The following DMBT1 variants were observed in gnomAD, a reference collection of about 807,000 sequenced individuals.
DMBT1 encodes deleted in malignant brain tumors 1.
A neutral mutation model predicts 252.9 loss-of-function variants in DMBT1; 198 were observed. The observed-to-expected ratio is 0.78, with a 90% confidence interval of 0.70 to 0.88. The LOEUF (loss-of-function observed/expected upper bound fraction) is 0.88. Ranked by LOEUF, DMBT1 falls within the 40% of genes least tolerant of loss-of-function variation. The pLI is 0.00. For synonymous variants in DMBT1, 990 were observed against 942.7 expected, an observed-to-expected ratio of 1.05 and a Z score of -0.92; for missense variants, 2,432 against 2,404.7, an observed-to-expected ratio of 1.01 and a Z score of -0.24.
At chr10:122,567,277 G>A (rs3019524) in intron 2 of DMBT1, among the ~76,000 whole-genome samples, 101,704 of 151,872 alleles carry the variant, frequency 0.67, 34,410 homozygotes, top group East Asian at 0.77. Flanking sequence ...GCATTGCCCT[G>A]CTGCACCTCT....
chr10:122,598,799 G>C lies in DMBT1; in HGVS notation c.2982G>C (p.Arg994Ser). Residue 994 changes from arginine (R) to serine (S), a missense_variant, in exon 26 of 56, where the codon AGG becomes AGC. Around this residue, in one of 3 missense-constraint regions of DMBT1, gnomAD observed 1,264 missense variants for 1,082.2 expected, o/e 1.17. Coordinates refer to ENST00000338354, the MANE Select transcript of DMBT1 (RefSeq NM_001377530.1). Reference protein sequence around the residue: ...TVGSESSLALRLVNGGDRCQG... With the variant: ...TVGSESSLALSLVNGGDRCQG... ...GATCTGAATCCAGTTTGGCCCTGAG[G>C]CTGGTGAATGGAGGTGACAGGTGTC... The C allele has an allele frequency of 1.2e-6, 2 of 1,613,414 alleles. No individual in the cohort carries two copies. Among genetic ancestry groups the C allele is most frequent in the Non-Finnish European group, 1.7e-6 (2 of 1,179,734 alleles).
In DMBT1 at chr10:122,585,327, C is replaced by T; in HGVS notation, c.1459+18C>T. The T allele has an allele frequency of 6.3e-7, 1 of 1,584,258 alleles. No homozygotes were observed. The highest frequency in any genetic ancestry group is 2.3e-5 in the East Asian group (1 of 42,628). On this transcript the variant is annotated intron_variant, in intron 15 of 55. Transcript: ENST00000338354. The stretch of plus-strand genomic sequence containing the variant: ...GACAGTAGGTAAATAATCCTCTCGC[C>T]CCTCCCTAGGGCTCACTCTCTACCT...
chr10:122,617,203 C>G (rs748148174), intron 39 of DMBT1, 25 bp from the exon 40 acceptor site: 29 of 1,607,368 alleles, frequency 1.8e-5, no homozygotes, highest in African/African-American at 4.1e-5. Flanking sequence ...CTAATTCTGT[C>G]TTTTTTCTTT....
At chr10:122,642,181 A>G (rs1844671362) in intron 55 of DMBT1, among the ~76,000 whole-genome samples, 1 of 119,006 alleles carries the variant, frequency 8.4e-6, no homozygotes, top group Admixed American at 8.1e-5. Context: ...CTGTGAAAAA[A>G]AAAACAAAAA....
chr10:122,635,055 T>C lies in DMBT1; in HGVS notation c.6549-936T>C, dbSNP rs966286815. Among the ~76,000 whole-genome samples, 4 of 152,254 alleles carry C rather than the reference T, an allele frequency of 2.6e-5. 1 individual carries two copies. The South Asian group carries it at 8.3e-4, about 32-fold the overall frequency. On this transcript the variant is annotated intron_variant, in intron 52 of 55. Transcript: ENST00000338354. Reference sequence around the variant, plus strand: ...TGTCATTACAATACAAAGATTGCACTTAAAGCTGATGCAGTCCTATGGGAA... The same window carrying C: ...TGTCATTACAATACAAAGATTGCACCTAAAGCTGATGCAGTCCTATGGGAA...
At chr10:122,617,917 G>T (rs899866015) in intron 40 of DMBT1, 100 bp from the exon 41 acceptor site, 1 of 1,561,322 alleles carries the variant, frequency 6.4e-7, no homozygotes, top group East Asian at 2.3e-5. Context: ...TGCTTGCCCA[G>T]GTGACTCTGG....
At chr10:122,573,685 C>G (rs780808484) in intron 5 of DMBT1, 30 bp from the exon 6 acceptor site, 64 of 1,613,412 alleles carry the variant, frequency 4.0e-5, no homozygotes, top group Non-Finnish European at 5.3e-5. Flanking sequence ...GGGCTACGAT[C>G]AATGAGCTCT....
At chr10:122,636,429 C>G (rs1182211098) in intron 53 of DMBT1, among the ~76,000 whole-genome samples, 1 of 144,920 alleles carries the variant, frequency 6.9e-6, no homozygotes, top group Non-Finnish European at 1.5e-5. Context: ...TTACTGTGGT[C>G]AGCAGAGACT....
At chr10:122,630,162 T>C in intron 47 of DMBT1, 126 bp from the exon 48 acceptor site, 10 of 1,348,716 alleles carry the variant, frequency 7.4e-6, no homozygotes, top group South Asian at 1.4e-5. Flanking sequence ...GTCCTTTGAC[T>C]TAATTGAGGA....
rs566378548 is a variant in DMBT1 at position 122,571,895 on chromosome 10, G to A, written c.188-419G>A. ...TTTAGTTTTGCATTCTGAAATGGTT[G>A]GTTTTCTTTGGAAACCATCTTTCTT... On this transcript the variant is annotated intron_variant, in intron 4 of 55. Coordinates refer to ENST00000338354, the MANE Select transcript of DMBT1 (RefSeq NM_001377530.1). 2.6e-5 allele frequency among the ~76,000 whole-genome samples: 4 copies of A among 152,236 alleles called. No homozygotes were observed. The South Asian group carries it at 8.3e-4, about 32-fold the overall frequency.
chr10:122,620,222 T>C, intron 42 of DMBT1, 31 bp from the exon 43 acceptor site: 2 of 1,612,796 alleles, frequency 1.2e-6, no homozygotes. Flanking sequence ...TCAAGTCTAA[T>C]TTTGTCCTTT....
At chr10:122,632,107 C>T (rs938456194) in intron 50 of DMBT1, among the ~76,000 whole-genome samples, 12 of 152,102 alleles carry the variant, frequency 7.9e-5, no homozygotes, top group African/African-American at 2.7e-4. Context: ...AGGTGAGGCC[C>T]GCCACCTGTC....
At chr10:122,588,476 C>T (rs891655799) in intron 16 of DMBT1, among the ~76,000 whole-genome samples, 3 of 149,066 alleles carry the variant, frequency 2.0e-5, no homozygotes, top group African/African-American at 7.3e-5. Context: ...CGACCTCGTT[C>T]CTGGCCCTCC....
At chr10:122,642,458 A>G (rs1167351159) in intron 55 of DMBT1, among the ~76,000 whole-genome samples, 1 of 152,216 alleles carries the variant, frequency 6.6e-6, no homozygotes, top group Admixed American at 6.5e-5. Flanking sequence ...CATCTTAGGA[A>G]AATTCCTGTA....
Position 122,633,348 on chromosome 10 carries a change from G to A in DMBT1, c.6548+7G>A, listed in dbSNP as rs2098181997. On this transcript the variant is annotated splice_region_variant and intron_variant, in intron 52 of 55. Coordinates refer to ENST00000338354, the MANE Select transcript of DMBT1 (RefSeq NM_001377530.1). ...TGATCTTCAGAGATGTCCAGTAAGT[G>A]TGCGCCCAGAAGAATGCCTTGGGGC... is the stretch of plus-strand genomic sequence containing the variant. The A allele has an allele frequency of 1.9e-6, 3 of 1,613,660 alleles. No homozygotes were observed. Among genetic ancestry groups the A allele is most frequent in the Admixed American group, 1.7e-5 (1 of 59,990 alleles).
intron 52 of DMBT1, among the ~76,000 whole-genome samples, chr10:122,634,428 TCTTCTCTCTCTCTC>T (rs1566006311): frequency 1.3e-5 from 1 of 78,368 alleles, no homozygotes; most frequent in Non-Finnish European, 2.4e-5. Flanking sequence ...TCTCTCTCTC[TCTTCTCTCTCTCTC>T]TCTCTCTCTC....
chr10:122,587,454 G>A (rs1170677076), intron 16 of DMBT1, among the ~76,000 whole-genome samples: 1 of 148,962 alleles, frequency 6.7e-6, no homozygotes, highest in East Asian at 2.1e-4. Context: ...TGTGGGGCAG[G>A]CAGTGCCCAT....
Position 122,590,004 on chromosome 10 carries a change from G to A in DMBT1, c.2108-661G>A, listed in dbSNP as rs559877760. On this transcript the variant is annotated intron_variant, in intron 17 of 55. Coordinates refer to ENST00000338354, the MANE Select transcript of DMBT1 (RefSeq NM_001377530.1). ...CATCTTTCCCCCACTGAAAGGTTTA[G>A]GTGAGGGTGAGGTGGATGGAGCACA... Among the ~76,000 whole-genome samples, 33 of 148,638 alleles carry A rather than the reference G, an allele frequency of 2.2e-4. 3 individuals are homozygous for A. Among genetic ancestry groups the A allele is most frequent in the South Asian group, 6.9e-4 (3 of 4,360 alleles).
At chr10:122,577,381 A>G (rs1385345590) in intron 7 of DMBT1, among the ~76,000 whole-genome samples, 1 of 152,202 alleles carries the variant, frequency 6.6e-6, no homozygotes, top group Non-Finnish European at 1.5e-5. Flanking sequence ...GTGAGTCGCA[A>G]ATGGTGGGCT....
Sources: gnomAD v4.1 joint callset for allele counts (sites outside exome capture counted in the v4.1 genomes callset) on GRCh38, gnomAD v4.1.1 for gene constraint, gnomAD v4.1.1 regional missense constraint, MANE v1.5 for transcripts, NCBI Gene and HGNC (gene_info 2026-07-23, HGNC 2026-07-21) for gene names.